The following YBEY variants were observed in gnomAD, a reference collection of about 807,000 sequenced individuals.
YBEY encodes the protein ybeY metalloendoribonuclease.
A neutral mutation model predicts 13.5 loss-of-function variants in YBEY; 15 were observed. The ratio of observed to expected loss-of-function variants is 1.11; its 90% CI spans 0.75 to 1.72. The LOEUF (loss-of-function observed/expected upper bound fraction) is 1.72. YBEY is among the 40% of genes most tolerant of loss of function. The probability of loss-of-function intolerance (pLI) is 0.00; values close to 1 mark genes in which losing one functional copy is unlikely to be tolerated. For synonymous variants in YBEY, 101 were observed against 83.1 expected (o/e 1.21, Z -1.17); for missense variants, 244 against 208.4 (o/e 1.17, Z -1.05).
the YBEY span, among the ~76,000 whole-genome samples, chr21:46,303,708 AAT>A: frequency 6.7e-4 from 25 of 37,274 alleles, no homozygotes; most frequent in African/African-American, 2.4e-3. Flanking sequence ...ACACACACAA[AAT>A]ATATATATAT....
the YBEY span, among the ~76,000 whole-genome samples, chr21:46,311,160 G>A: frequency 1.3e-5 from 2 of 152,186 alleles, no homozygotes; most frequent in East Asian, 1.9e-4. Context: ...GTGAGCCACC[G>A]AGCCGGGCCC....
At chr21:46,291,638 A>C in intron 3 of YBEY, 176 bp downstream of exon 3, 1 of 1,408,968 alleles carries the variant, frequency 7.1e-7, no homozygotes, top group Middle Eastern at 2.1e-4. Flanking sequence ...TGCATGCCCC[A>C]TGCCACAGTT....
chr21:46,303,853 G>A, the YBEY span, among the ~76,000 whole-genome samples: 2 of 143,762 alleles, frequency 1.4e-5, no homozygotes, highest in African/African-American at 5.2e-5. Context: ...CTGGGTTCAC[G>A]CCATTCTCCT....
the YBEY span, among the ~76,000 whole-genome samples, chr21:46,311,949 A>C: frequency 7.1e-6 from 1 of 140,772 alleles, no homozygotes; most frequent in African/African-American, 2.7e-5. Flanking sequence ...CCATCCACCC[A>C]CCCATCCATC....
the YBEY span, among the ~76,000 whole-genome samples, chr21:46,311,001 A>G: frequency 6.6e-6 from 1 of 151,730 alleles, no homozygotes; most frequent in African/African-American, 2.4e-5. Flanking sequence ...CCTCCCAAGT[A>G]GCTGGGATTA....
At chr21:46,291,121 C>T (rs944187604) in intron 2 of YBEY, among the ~76,000 whole-genome samples, 16 of 148,352 alleles carry the variant, frequency 1.1e-4, no homozygotes, top group African/African-American at 2.2e-4. Context: ...CACTTGAACC[C>T]GGGAGGCAGA....
At chr21:46,300,690 G>A (rs752581304), downstream of YBEY, 1 of 1,283,954 alleles carries the variant, frequency 7.8e-7, no homozygotes, top group African/African-American at 1.5e-5. Context: ...GCAGCTCAGT[G>A]GCAACTCTCT....
At chr21:46,287,526 T>C (rs1601566807) in intron 2 of YBEY, among the ~76,000 whole-genome samples, 1 of 152,322 alleles carries the variant, frequency 6.6e-6, no homozygotes, top group East Asian at 1.9e-4. Flanking sequence ...AATTATATTA[T>C]AGGCTAGGCT....
At chr21:46,299,736 A>G (rs2082060909), downstream of YBEY, among the ~76,000 whole-genome samples, 1 of 151,302 alleles carries the variant, frequency 6.6e-6, no homozygotes, top group Admixed American at 6.6e-5. Flanking sequence ...ACAGGTGTGC[A>G]CAATGTGCCC....
chr21:46,298,907 A>G (rs1449681204), downstream of YBEY, among the ~76,000 whole-genome samples: 2 of 151,622 alleles, frequency 1.3e-5, no homozygotes, highest in African/African-American at 4.9e-5. Context: ...GTTTCTGTAG[A>G]GACAGGGTTT....
At chr21:46,295,756 T>C (rs1020253779) in intron 3 of YBEY, among the ~76,000 whole-genome samples, 2 of 152,104 alleles carry the variant, frequency 1.3e-5, no homozygotes, top group African/African-American at 4.8e-5. Context: ...GGGTGTGGGC[T>C]GTGCGCTTGC....
the YBEY span, among the ~76,000 whole-genome samples, chr21:46,311,176 A>G: frequency 2.4e-4 from 37 of 152,264 alleles, no homozygotes; most frequent in South Asian, 1.5e-3. Flanking sequence ...GGCCCTAAAA[A>G]TTATTTTAAA....
rs8651 is a variant in YBEY at position 46,297,702 on chromosome 21, G to A, written c.*68G>A. On this transcript the variant is annotated 3_prime_UTR_variant, in exon 5 of 5. Coordinates refer to ENST00000397701, the MANE Select transcript of YBEY (RefSeq NM_001314025.2). ...GCTGCGGGGAGCCGGGGTCGCACAC[G>A]AATAAATAACGAATGAACGTACGAG... 1,058,845 of 1,262,298 alleles carry A rather than the reference G, an allele frequency of 0.84. 448,563 individuals are homozygous for A. Among genetic ancestry groups the A allele is most frequent in the African/African-American group, 0.9 (58,448 of 64,680 alleles). The allele number at this position is 1,262,298 out of a possible 1,614,324, so 78.2% of individuals were successfully genotyped here. A position where few individuals can be genotyped will look rare whatever the true frequency, so the allele number is the denominator to read the frequency against.
At chr21:46,306,982 G>A in the YBEY span, among the ~76,000 whole-genome samples, 2 of 151,820 alleles carry the variant, frequency 1.3e-5, no homozygotes, top group Non-Finnish European at 2.9e-5. Context: ...TGCAGCCTCC[G>A]CCTCCCAGGC....
At chr21:46,306,485 G>A in the YBEY span, among the ~76,000 whole-genome samples, 3 of 151,924 alleles carry the variant, frequency 2.0e-5, no homozygotes, top group Non-Finnish European at 1.5e-5. Context: ...GCAACAGAGC[G>A]ACACTCCCAT....
chr21:46,292,523 G>C (rs1045492427), intron 3 of YBEY, among the ~76,000 whole-genome samples: 13 of 151,650 alleles, frequency 8.6e-5, no homozygotes, highest in African/African-American at 2.9e-4. Context: ...TGGTTAGCTT[G>C]GCCTGTGCCC....
Position 46,291,746 on chromosome 21 carries a change from C to G in YBEY, c.339+284C>G. On this transcript the variant is annotated intron_variant, in intron 3 of 4. Coordinates refer to ENST00000397701, the MANE Select transcript of YBEY (RefSeq NM_001314025.2). ...TAGAGCAGACTATGTTGAGCTAACACAGACCTGCTGAATCAGCTTCTTTCT... is the reference window on the plus strand; with the variant it reads ...TAGAGCAGACTATGTTGAGCTAACAGAGACCTGCTGAATCAGCTTCTTTCT... 2.6e-6 allele frequency: 3 copies of G among 1,150,354 alleles called. No homozygotes were observed. The South Asian group carries it at 7.3e-5, about 28-fold the overall frequency. 71.3% of individuals were successfully genotyped at this position (1,150,354 alleles called of 1,614,324 possible). A position where few individuals can be genotyped will look rare whatever the true frequency, so the allele number is the denominator to read the frequency against.
the YBEY span, chr21:46,313,055 C>T: frequency 6.1e-6 from 6 of 985,260 alleles, no homozygotes; most frequent in East Asian, 1.1e-4. Context: ...ACAGAAAGGA[C>T]GGCAGAGACC....
the YBEY span, among the ~76,000 whole-genome samples, chr21:46,307,283 A>G: frequency 6.6e-6 from 1 of 152,168 alleles, no homozygotes; most frequent in Admixed American, 6.6e-5. Flanking sequence ...AAGTGCTGGG[A>G]TGACAGGCAT....
Sources: allele counts gnomAD v4.1 joint callset (sites outside exome capture counted in the v4.1 genomes callset), GRCh38; gene constraint gnomAD v4.1.1; transcripts MANE v1.5; gene names NCBI Gene and HGNC (gene_info 2026-07-23, HGNC 2026-07-21).